Variants in MYCBP2 observed in about 807,000 individuals in gnomAD.
The protein encoded by MYCBP2 is MYC binding protein 2.
A neutral mutation model predicts 525.3 loss-of-function variants in MYCBP2; 120 were observed. The ratio of observed to expected loss-of-function variants is 0.23; its 90% CI spans 0.20 to 0.27. The LOEUF is 0.27. Ranked by LOEUF, MYCBP2 falls within the 10% of genes least tolerant of loss-of-function variation. The pLI is 1.00. For missense variants in MYCBP2, 4,149 were observed against 5,657.1 expected (o/e 0.73, Z 8.55); for synonymous variants, 1,894 against 1,955.8 (o/e 0.97, Z 0.83).
At chr13:77,311,150 T>A (rs1459032758) in intron 1 of MYCBP2, among the ~76,000 whole-genome samples, 1 of 152,076 alleles carries the variant, frequency 6.6e-6, no homozygotes, top group Non-Finnish European at 1.5e-5. Context: ...AACCCAAAAG[T>A]TAAAATTCCA....
chr13:77,075,479 C>A (rs1246452790), intron 68 of MYCBP2: 1 of 152,256 alleles, frequency 6.6e-6, no homozygotes, highest in Admixed American at 6.5e-5. Context: ...CTCCCATTCT[C>A]TCTACTAATC....
chr13:77,105,012 T>C (rs1014456786), intron 55 of MYCBP2, among the ~76,000 whole-genome samples: 1 of 152,116 alleles, frequency 6.6e-6, no homozygotes, highest in African/African-American at 2.4e-5. Context: ...TTTGCAGCTA[T>C]TGTTAAAATA....
chr13:77,161,696 C>A (rs2057945537), intron 44 of MYCBP2, among the ~76,000 whole-genome samples: 1 of 152,190 alleles, frequency 6.6e-6, no homozygotes, highest in African/African-American at 2.4e-5. Context: ...TGTCTAACTC[C>A]AGAGTCAATT....
chr13:77,068,617 A>G lies in MYCBP2; in HGVS notation c.12119T>C (p.Leu4040Pro). The G allele has an allele frequency of 6.2e-7, 1 of 1,614,186 alleles. No individual in the cohort carries two copies. Residue 4040 changes from leucine to proline, a missense_variant, in exon 70 of 83, where the codon CTT (leucine) becomes CCT (proline). Around this residue, in one of 21 missense-constraint regions of MYCBP2, gnomAD observed 64 missense variants for 131.2 expected, o/e 0.49. Transcript: ENST00000544440. ...RQYLAQQLTLLQDLFSLLHTA... is the reference protein window; with the variant it reads ...RQYLAQQLTLPQDLFSLLHTA... ...GTGAAGCAGCGAGAAGAGATCCTGA[A>G]GCAGGGTTAGCTGTTGAGCCAGATA...
At chr13:77,047,952 G>A (rs1425869042) in intron 82 of MYCBP2, among the ~76,000 whole-genome samples, 1 of 152,094 alleles carries the variant, frequency 6.6e-6, no homozygotes, top group Non-Finnish European at 1.5e-5. Context: ...CTGGCAGAGA[G>A]CTTTCTTCTT....
intron 59 of MYCBP2, 137 bp downstream of exon 59, chr13:77,093,028 C>T: frequency 1.3e-6 from 1 of 767,282 alleles, no homozygotes; most frequent in Admixed American, 2.7e-5. Context: ...TACATGTATG[C>T]TTTTTCTTAC....
At chr13:77,075,505 C>T (rs1323699667) in intron 68 of MYCBP2, 2 of 152,280 alleles carry the variant, frequency 1.3e-5, no homozygotes, top group African/African-American at 4.8e-5. Flanking sequence ...TGAATCCCTT[C>T]ATTCTCTTTC....
In MYCBP2 at chr13:77,251,460, C is replaced by A. The variant is rs73545898; in HGVS notation, c.2177-105G>T. 278 of 898,148 alleles carry A rather than the reference C, an allele frequency of 3.1e-4. No individual in the cohort carries two copies. In the African/African-American group the frequency reaches 4.1e-3, roughly 13 times the overall value. The allele number at this position is 898,148 out of a possible 1,614,324, so 55.6% of individuals were successfully genotyped here. On this transcript the variant is annotated intron_variant, in intron 14 of 82. Coordinates refer to ENST00000544440, the MANE Select transcript of MYCBP2 (RefSeq NM_015057.5). ...AAAAATGACAGCATGCTAATCCAAG[C>A]AATTATACAAAGAAATGCTTAAATT...
chr13:77,176,404 T>C (rs1326558275), intron 36 of MYCBP2, 93 bp downstream of exon 36: 3 of 1,129,180 alleles, frequency 2.7e-6, no homozygotes, highest in Non-Finnish European at 2.4e-6. Flanking sequence ...CAAATAGCTA[T>C]AGGTAACAAA....
At chr13:77,148,783 C>T (rs1038901545) in intron 47 of MYCBP2, among the ~76,000 whole-genome samples, 7 of 152,036 alleles carry the variant, frequency 4.6e-5, no homozygotes, top group Admixed American at 1.3e-4. Context: ...TCATTTTATC[C>T]GCTTTGTTTC....
At chr13:77,294,104 C>CTATATATATGTGTATA in intron 2 of MYCBP2, among the ~76,000 whole-genome samples, 1 of 41,920 alleles carries the variant, frequency 2.4e-5, no homozygotes, top group Admixed American at 3.3e-4. Context: ...GATATAATGG[C>CTATATATATGTGTATA]TATATATATA....
intron 47 of MYCBP2, among the ~76,000 whole-genome samples, chr13:77,148,739 T>C (rs2056014570): frequency 6.6e-6 from 1 of 152,146 alleles, no homozygotes; most frequent in South Asian, 2.1e-4. Flanking sequence ...TCTTTTCTGA[T>C]CGGTGCTTTC....
Position 77,225,424 on chromosome 13 carries a change from C to A in MYCBP2, c.2857+11G>T. ...AAAAACGCAGTTATACCCTAAAGTTCCAGCCGCTACCTGAATGGTGAAATC... is the reference window on the plus strand; with the variant it reads ...AAAAACGCAGTTATACCCTAAAGTTACAGCCGCTACCTGAATGGTGAAATC... On this transcript the variant is annotated intron_variant, in intron 19 of 82. Coordinates refer to ENST00000544440, the MANE Select transcript of MYCBP2 (RefSeq NM_015057.5). 6.2e-7 allele frequency: 1 copy of A among 1,613,368 alleles called. No individual in the cohort carries two copies. The highest frequency in any genetic ancestry group is 8.5e-7 in the Non-Finnish European group (1 of 1,179,546).
Position 77,125,410 on chromosome 13 carries a change from C to A in MYCBP2, c.7943G>T (p.Cys2648Phe), listed in dbSNP as rs1448391601. 1 of 1,614,026 alleles carries A rather than the reference C, an allele frequency of 6.2e-7. No homozygotes were observed. The highest frequency in any genetic ancestry group is 8.5e-7 in the Non-Finnish European group (1 of 1,179,884). Residue 2648 changes from cysteine (C) to phenylalanine (F), a missense_variant, in exon 54 of 83, where the codon TGT becomes TTT. This residue lies in a region of MYCBP2 where 653 missense variants were observed against 744.7 expected (regional missense o/e 0.88). Transcript: ENST00000544440. ...CCATGCCTCTCCTTCATCACTCTCACAGAACTCTACCATGCTGTTCTGATC... is the reference window on the plus strand; with the variant it reads ...CCATGCCTCTCCTTCATCACTCTCAAAGAACTCTACCATGCTGTTCTGATC... ...QLDQNSMVEF[C>F]ESDEGEAWSL... is the part of the protein sequence containing the mutation.
At chr13:77,079,872 A>G (rs139043935) in intron 65 of MYCBP2, among the ~76,000 whole-genome samples, 1 of 152,326 alleles carries the variant, frequency 6.6e-6, no homozygotes, top group African/African-American at 2.4e-5. Context: ...AACCTATAAC[A>G]TAGAGGAAGC....
At chr13:77,264,065 T>G in intron 8 of MYCBP2, 63 bp from the exon 9 acceptor site, 1 of 1,367,172 alleles carries the variant, frequency 7.3e-7, no homozygotes, top group East Asian at 2.4e-5. Context: ...ATGAATTTAC[T>G]CCTCTGTTGA....
intron 80 of MYCBP2, among the ~76,000 whole-genome samples, chr13:77,053,065 G>C (rs1402631930): frequency 6.6e-6 from 1 of 151,920 alleles, no homozygotes; most frequent in Non-Finnish European, 1.5e-5. Context: ...TTGAGCCCAG[G>C]AGGTGGAGGC....
At chr13:77,114,418 T>C (rs2049364277) in intron 55 of MYCBP2, among the ~76,000 whole-genome samples, 1 of 152,140 alleles carries the variant, frequency 6.6e-6, no homozygotes, top group African/African-American at 2.4e-5. Context: ...ACCTGTCAGA[T>C]AACTTAGAGA....
intron 52 of MYCBP2, among the ~76,000 whole-genome samples, chr13:77,132,204 C>T (rs187428457): frequency 1.0e-3 from 156 of 152,024 alleles, no homozygotes; most frequent in African/African-American, 3.7e-3. Context: ...GATTAAAACA[C>T]GGGTTATGTA....
Sources: gnomAD v4.1 joint callset for allele counts (sites outside exome capture counted in the v4.1 genomes callset) on GRCh38, gnomAD v4.1.1 for gene constraint, gnomAD v4.1.1 regional missense constraint, MANE v1.5 for transcripts, NCBI Gene and HGNC (gene_info 2026-07-23, HGNC 2026-07-21) for gene names.